SPOCK1: variants seen among roughly 807,000 people sequenced by gnomAD.
The protein encoded by SPOCK1 is testican-1.
In SPOCK1, 23 loss-of-function variants were observed where a neutral mutation model predicts 55.3. The ratio of observed to expected loss-of-function variants is 0.42; its 90% confidence interval spans 0.30 to 0.59. The LOEUF is 0.59. Among genes scored for constraint, SPOCK1 ranks in the 20% least tolerant of loss-of-function variants. The probability of loss-of-function intolerance (pLI) is 0.22; values close to 1 mark genes in which losing one functional copy is unlikely to be tolerated. For missense variants in SPOCK1, 499 were observed against 552.5 expected (o/e 0.90, Z 0.97); for synonymous variants, 226 against 221.0 (o/e 1.02, Z -0.20).
intron 3 of SPOCK1, among the ~76,000 whole-genome samples, chr5:137,169,523 GCA>G (rs33941255): frequency 0.9 from 136,174 of 151,852 alleles, 61,130 homozygotes; most frequent in African/African-American, 0.93. Flanking sequence ...ATCTGCCCAG[GCA>G]CACACACCCA....
intron 4 of SPOCK1, among the ~76,000 whole-genome samples, chr5:137,138,362 A>C (rs1440652863): frequency 6.6e-6 from 1 of 152,228 alleles, no homozygotes; most frequent in African/African-American, 2.4e-5. Flanking sequence ...ATATGCCTGA[A>C]TATCAATGAG....
chr5:137,018,699 T>C (rs1398740454), intron 6 of SPOCK1, among the ~76,000 whole-genome samples: 2 of 152,190 alleles, frequency 1.3e-5, no homozygotes, highest in Admixed American at 6.6e-5. Context: ...CAAATGCATA[T>C]TAGGATTTTT....
intron 2 of SPOCK1, among the ~76,000 whole-genome samples, chr5:137,407,493 A>C (rs1266138742): frequency 1.3e-5 from 2 of 152,146 alleles, no homozygotes; most frequent in East Asian, 1.9e-4. Flanking sequence ...CAGATTAGGA[A>C]ACTATTCCAT....
chr5:137,149,143 A>G (rs1754263995), intron 3 of SPOCK1, among the ~76,000 whole-genome samples: 1 of 152,212 alleles, frequency 6.6e-6, no homozygotes, highest in African/African-American at 2.4e-5. Flanking sequence ...GACTTAAGAA[A>G]CAATAGTGAC....
chr5:137,438,032 C>G (rs1194770111), intron 2 of SPOCK1, among the ~76,000 whole-genome samples: 1 of 152,110 alleles, frequency 6.6e-6, no homozygotes, highest in African/African-American at 2.4e-5. Context: ...TTGTGACTGG[C>G]TCATTTCACT....
At chr5:137,377,121 G>A (rs577774019) in intron 2 of SPOCK1, among the ~76,000 whole-genome samples, 4 of 152,258 alleles carry the variant, frequency 2.6e-5, no homozygotes, top group South Asian at 4.2e-4. Context: ...CCAATTTTTT[G>A]TCTTCAGTTT....
At chr5:137,004,356 G>T (rs1751204131) in intron 6 of SPOCK1, among the ~76,000 whole-genome samples, 1 of 152,074 alleles carries the variant, frequency 6.6e-6, no homozygotes, top group Non-Finnish European at 1.5e-5. Flanking sequence ...TCCAAATCCT[G>T]CTTGCTTGGG....
chr5:137,398,540 G>T lies in SPOCK1; in HGVS notation c.186+99833C>A, dbSNP rs187042574. Among the ~76,000 whole-genome samples the T allele has an allele frequency of 2.4e-3, 360 of 152,264 alleles. 6 individuals carry two copies. Among genetic ancestry groups the T allele is most frequent in the Admixed American group, 0.021 (325 of 15,288 alleles). ...GACTCAATCCCTTCAAGCAGCTTCT[G>T]ATAGGATATGCAGAACACATTCTTC... On this transcript the variant is annotated intron_variant, in intron 2 of 10. Transcript: ENST00000394945.
At chr5:136,985,736 T>TGTATCTAGGCTCTGCCACCTC (rs1357291714) in intron 8 of SPOCK1, among the ~76,000 whole-genome samples, 4 of 152,184 alleles carry the variant, frequency 2.6e-5, no homozygotes, top group African/African-American at 9.7e-5. Context: ...GATGAGACTT[T>TGTATCTAGGCTCTGCCACCTC]GTATCTAGGC....
intron 2 of SPOCK1, among the ~76,000 whole-genome samples, chr5:137,416,827 G>C (rs1752345302): frequency 6.6e-6 from 1 of 152,056 alleles, no homozygotes; most frequent in African/African-American, 2.4e-5. Context: ...ATCTTCTTGT[G>C]ATTTTAATTT....
At chr5:137,159,236 AC>A (rs1656850394) in intron 3 of SPOCK1, among the ~76,000 whole-genome samples, 1 of 152,212 alleles carries the variant, frequency 6.6e-6, no homozygotes, top group African/African-American at 2.4e-5. Context: ...AGAAGGAGTT[AC>A]ATGAGGCAAG....
At chr5:137,304,520 G>A (rs942718914) in intron 2 of SPOCK1, among the ~76,000 whole-genome samples, 2 of 152,170 alleles carry the variant, frequency 1.3e-5, no homozygotes. Context: ...AGAGTGTGTG[G>A]GGCAGTCAGG....
chr5:137,445,857 A>C (rs1184419379), intron 2 of SPOCK1, among the ~76,000 whole-genome samples: 3 of 152,204 alleles, frequency 2.0e-5, no homozygotes, highest in African/African-American at 7.2e-5. Flanking sequence ...TAATAGATAT[A>C]TTATGCTCTA....
At chr5:137,286,392 C>T (rs1757266327) in intron 2 of SPOCK1, among the ~76,000 whole-genome samples, 1 of 152,194 alleles carries the variant, frequency 6.6e-6, no homozygotes, top group Non-Finnish European at 1.5e-5. Flanking sequence ...GTCCACAGGG[C>T]TGCCATGGAT....
At chr5:137,447,412 A>G (rs1753151900) in intron 2 of SPOCK1, among the ~76,000 whole-genome samples, 1 of 152,248 alleles carries the variant, frequency 6.6e-6, no homozygotes, top group African/African-American at 2.4e-5. Flanking sequence ...GTGGTCCTCT[A>G]CTAGTTCTGT....
At chr5:137,355,601 G>A (rs922987299) in intron 2 of SPOCK1, among the ~76,000 whole-genome samples, 1 of 152,142 alleles carries the variant, frequency 6.6e-6, no homozygotes. Context: ...GTATGGGGCT[G>A]GGCACCATGA....
chr5:137,286,555 G>A (rs1262317122), intron 2 of SPOCK1, among the ~76,000 whole-genome samples: 1 of 152,156 alleles, frequency 6.6e-6, no homozygotes, highest in Non-Finnish European at 1.5e-5. Context: ...CTAGGCCCAT[G>A]GTGGCTGCAG....
At chr5:137,204,785 A>G (rs1434676301) in intron 3 of SPOCK1, among the ~76,000 whole-genome samples, 1 of 152,064 alleles carries the variant, frequency 6.6e-6, no homozygotes, top group Non-Finnish European at 1.5e-5. Context: ...CCATATCCGA[A>G]TTGACCTCCA....
intron 5 of SPOCK1, among the ~76,000 whole-genome samples, chr5:137,096,711 A>G (rs1405367847): frequency 6.6e-6 from 1 of 152,258 alleles, no homozygotes; most frequent in Non-Finnish European, 1.5e-5. Context: ...ACAGACCCTC[A>G]GTCTGTAGTC....
Sources: gnomAD v4.1 joint callset for allele counts (sites outside exome capture counted in the v4.1 genomes callset) on GRCh38, gnomAD v4.1.1 for gene constraint, MANE v1.5 for transcripts, NCBI Gene and HGNC (gene_info 2026-07-23, HGNC 2026-07-21) for gene names.